PPARGC1A: variants seen among roughly 807,000 people sequenced by gnomAD.
The protein encoded by PPARGC1A is peroxisome proliferator-activated receptor gamma coactivator 1-alpha.
In PPARGC1A, 25 loss-of-function variants were observed where a neutral mutation model predicts 88.7. That is an observed-to-expected ratio of 0.28 (90% CI 0.21 to 0.39). The LOEUF (loss-of-function observed/expected upper bound fraction) is 0.39, where lower values mean the gene tolerates loss of function less well. Among genes scored for constraint, PPARGC1A ranks in the 10% least tolerant of loss-of-function variants. The pLI is 1.00. For synonymous variants in PPARGC1A, 363 were observed against 355.6 expected (o/e 1.02, Z -0.24); for missense variants, 880 against 968.7 (o/e 0.91, Z 1.22).
the PPARGC1A span, among the ~76,000 whole-genome samples, chr4:24,057,246 T>C: frequency 3.3e-5 from 5 of 151,180 alleles, no homozygotes; most frequent in East Asian, 5.8e-4. Context: ...ATACCTAGAG[T>C]AGTCAATTCA....
At chr4:24,140,758 T>A in the PPARGC1A span, among the ~76,000 whole-genome samples, 3 of 152,298 alleles carry the variant, frequency 2.0e-5, no homozygotes, top group Admixed American at 1.3e-4. Context: ...AACATGCTTA[T>A]CCTCAGAAGA....
chr4:24,007,224 C>T, the PPARGC1A span, among the ~76,000 whole-genome samples: 1 of 152,210 alleles, frequency 6.6e-6, no homozygotes, highest in African/African-American at 2.4e-5. Flanking sequence ...CTCGCTCTCT[C>T]TCTTTCCTTT....
the PPARGC1A span, among the ~76,000 whole-genome samples, chr4:24,221,204 C>G: frequency 6.6e-6 from 1 of 152,096 alleles, no homozygotes; most frequent in African/African-American, 2.4e-5. Flanking sequence ...CCGAAGAGTT[C>G]TGAGTTTGGA....
chr4:23,967,743 C>G, the PPARGC1A span, among the ~76,000 whole-genome samples: 4 of 152,052 alleles, frequency 2.6e-5, no homozygotes, highest in African/African-American at 9.7e-5. Context: ...ATCCTCCTTT[C>G]TTTTGAATAT....
At chr4:23,977,237 G>A in the PPARGC1A span, among the ~76,000 whole-genome samples, 1 of 152,072 alleles carries the variant, frequency 6.6e-6, no homozygotes, top group African/African-American at 2.4e-5. Context: ...CCTCTCTCCG[G>A]CGCACACGCT....
the PPARGC1A span, among the ~76,000 whole-genome samples, chr4:24,349,389 G>A: frequency 6.6e-6 from 1 of 152,162 alleles, no homozygotes; most frequent in African/African-American, 2.4e-5. Flanking sequence ...TTTGTCTTCT[G>A]CTACCAGGGT....
chr4:24,045,959 G>A, the PPARGC1A span, among the ~76,000 whole-genome samples: 17 of 152,216 alleles, frequency 1.1e-4, no homozygotes, highest in African/African-American at 3.9e-4. Flanking sequence ...TGGTGATGAT[G>A]GCCACAGTTT....
chr4:24,203,645 C>T, the PPARGC1A span, among the ~76,000 whole-genome samples: 3 of 152,200 alleles, frequency 2.0e-5, no homozygotes, highest in East Asian at 3.8e-4. Flanking sequence ...AGGCATAAAA[C>T]GTCTTTGAAT....
the PPARGC1A span, among the ~76,000 whole-genome samples, chr4:24,329,355 T>C: frequency 6.6e-6 from 1 of 151,740 alleles, no homozygotes; most frequent in Non-Finnish European, 1.5e-5. Context: ...TAGGATAAAA[T>C]CTGCAATCCT....
the PPARGC1A span, among the ~76,000 whole-genome samples, chr4:24,395,738 G>C: frequency 6.6e-6 from 1 of 152,144 alleles, no homozygotes; most frequent in Non-Finnish European, 1.5e-5. Context: ...AGGCATTGCT[G>C]TTCCAACTCA....
the PPARGC1A span, among the ~76,000 whole-genome samples, chr4:24,129,511 G>A: frequency 6.6e-6 from 1 of 152,082 alleles, no homozygotes; most frequent in African/African-American, 2.4e-5. Context: ...ATAGTACATT[G>A]GAAAGAATAC....
the PPARGC1A span, among the ~76,000 whole-genome samples, chr4:24,227,712 T>C: frequency 1.3e-5 from 2 of 152,092 alleles, no homozygotes; most frequent in African/African-American, 4.8e-5. Context: ...CAGCTCAGGC[T>C]CTGGACCTCC....
At chr4:24,254,668 G>A in the PPARGC1A span, among the ~76,000 whole-genome samples, 3 of 152,232 alleles carry the variant, frequency 2.0e-5, no homozygotes, top group African/African-American at 4.8e-5. Context: ...AGGGCGTGAC[G>A]TGAAAGAAGG....
chr4:24,325,001 TTC>T, the PPARGC1A span, among the ~76,000 whole-genome samples: 1 of 152,206 alleles, frequency 6.6e-6, no homozygotes, highest in African/African-American at 2.4e-5. Flanking sequence ...TACAGTTTCA[TTC>T]TCTGACTAGC....
chr4:23,865,841 T>A (rs1711822850), intron 2 of PPARGC1A, among the ~76,000 whole-genome samples: 2 of 152,178 alleles, frequency 1.3e-5, no homozygotes, highest in Non-Finnish European at 2.9e-5. Flanking sequence ...TAAACTTTGA[T>A]GATCAGCAGC....
At chr4:24,375,148 A>G in the PPARGC1A span, among the ~76,000 whole-genome samples, 1 of 152,160 alleles carries the variant, frequency 6.6e-6, no homozygotes, top group Non-Finnish European at 1.5e-5. Context: ...GCCATTTTTA[A>G]TCAGGCCCCA....
At chr4:24,335,323 G>A in the PPARGC1A span, among the ~76,000 whole-genome samples, 5 of 152,300 alleles carry the variant, frequency 3.3e-5, no homozygotes, top group South Asian at 8.3e-4. Flanking sequence ...GAAGTTAGGC[G>A]ATGTTTATCA....
the PPARGC1A span, among the ~76,000 whole-genome samples, chr4:24,410,815 C>A: frequency 6.6e-6 from 1 of 152,220 alleles, no homozygotes; most frequent in Non-Finnish European, 1.5e-5. Context: ...TTTGGACTTA[C>A]ACCAGTGGTT....
chr4:23,981,382 G>C, the PPARGC1A span, among the ~76,000 whole-genome samples: 8 of 152,094 alleles, frequency 5.3e-5, no homozygotes, highest in Non-Finnish European at 8.8e-5. Context: ...AAGTTAAACA[G>C]CATAGACAAC....
Sources: gnomAD v4.1 joint callset for allele counts (sites outside exome capture counted in the v4.1 genomes callset) on GRCh38, gnomAD v4.1.1 for gene constraint, MANE v1.5 for transcripts, NCBI Gene and HGNC (gene_info 2026-07-23, HGNC 2026-07-21) for gene names.